DGKB: variants seen among roughly 807,000 people sequenced by gnomAD.
DGKB encodes diacylglycerol kinase beta, also known as 90 kDa diacylglycerol kinase.
In DGKB, 67 loss-of-function variants were observed where a neutral mutation model predicts 114.3. That is an observed-to-expected ratio of 0.59 (90% CI 0.48 to 0.72). DGKB has a LOEUF of 0.72. Ranked by LOEUF, DGKB falls within the 30% of genes least tolerant of loss-of-function variation. The pLI is 0.00. For missense variants in DGKB, 907 were observed against 975.2 expected (o/e 0.93, Z 0.93); for synonymous variants, 398 against 323.1 (o/e 1.23, Z -2.49).
intron 21 of DGKB, among the ~76,000 whole-genome samples, chr7:14,452,652 T>C (rs1831696093): frequency 6.6e-6 from 1 of 151,998 alleles, no homozygotes; most frequent in South Asian, 2.1e-4. Context: ...CAAGTGAAAC[T>C]GACTGAATTT....
At chr7:14,409,713 CAAAAAAA>C (rs1164493208) in intron 21 of DGKB, among the ~76,000 whole-genome samples, 1 of 88,274 alleles carries the variant, frequency 1.1e-5, no homozygotes, top group African/African-American at 5.5e-5. Context: ...GACTCCGTCT[CAAAAAAA>C]AAAAAAAAAA....
At chr7:14,412,307 T>C (rs1158143292) in intron 21 of DGKB, among the ~76,000 whole-genome samples, 2 of 152,136 alleles carry the variant, frequency 1.3e-5, no homozygotes, top group Non-Finnish European at 2.9e-5. Context: ...GTTAGAATAA[T>C]CTCTAAAATA....
intron 20 of DGKB, among the ~76,000 whole-genome samples, chr7:14,493,587 C>T (rs1255108536): frequency 1.3e-5 from 2 of 151,934 alleles, no homozygotes; most frequent in African/African-American, 4.8e-5. Flanking sequence ...TAGCATTAGG[C>T]TACGAGTGAC....
At chr7:14,507,267 C>A (rs960980524) in intron 20 of DGKB, among the ~76,000 whole-genome samples, 2 of 152,032 alleles carry the variant, frequency 1.3e-5, no homozygotes, top group African/African-American at 2.4e-5. Context: ...TATGGCAATT[C>A]AGAATCTAGT....
intron 5 of DGKB, among the ~76,000 whole-genome samples, chr7:14,730,714 G>C (rs1161526325): frequency 6.6e-6 from 1 of 152,100 alleles, no homozygotes. Flanking sequence ...TCTCATAAAG[G>C]TTACTTCAGG....
At chr7:14,458,085 G>T (rs779554623) in intron 21 of DGKB, among the ~76,000 whole-genome samples, 1 of 152,018 alleles carries the variant, frequency 6.6e-6, no homozygotes, top group Non-Finnish European at 1.5e-5. Flanking sequence ...TAAAAAAAAC[G>T]ATGCTCTAAA....
In DGKB at chr7:14,481,061, G is replaced by A. The variant is rs531003912; in HGVS notation, c.1771-2836C>T. Reference sequence around the variant, plus strand: ...ATGAAAATAAGTCAATCTTATTAAAGCAAAACAAATTTAAACCTCATTGTG... The same window carrying A: ...ATGAAAATAAGTCAATCTTATTAAAACAAAACAAATTTAAACCTCATTGTG... On this transcript the variant is annotated intron_variant, in intron 20 of 25. Coordinates refer to ENST00000402815, the MANE Select transcript of DGKB (RefSeq NM_001350709.2). Among the ~76,000 whole-genome samples, 249 of 151,370 alleles carry A rather than the reference G, an allele frequency of 1.6e-3. 1 individual carries two copies. The highest frequency in any genetic ancestry group is 5.7e-3 in the African/African-American group (236 of 41,332).
intron 23 of DGKB, among the ~76,000 whole-genome samples, chr7:14,284,839 C>T (rs1800585947): frequency 7.7e-6 from 1 of 129,390 alleles, no homozygotes; most frequent in Admixed American, 9.8e-5. Context: ...GGAAGGGGAA[C>T]ATCACACTCT....
Position 14,388,124 on chromosome 7 carries a change from G to C in DGKB, c.1836-42733C>G, listed in dbSNP as rs34148828. Among the ~76,000 whole-genome samples the C allele has an allele frequency of 3.3e-5, 5 of 150,256 alleles. No homozygotes were observed. In the East Asian group the frequency reaches 9.7e-4, roughly 29 times the overall value. On this transcript the variant is annotated intron_variant, in intron 21 of 25. Transcript: ENST00000402815. ...GAACTCCTGACCTTGTGATCCACTC[G>C]CCTTGGCCTCCCAAAGTGCTAGGAT... is the stretch of plus-strand genomic sequence containing the variant.
At chr7:14,544,199 A>T (rs1006696098) in intron 20 of DGKB, among the ~76,000 whole-genome samples, 1 of 152,176 alleles carries the variant, frequency 6.6e-6, no homozygotes, top group Non-Finnish European at 1.5e-5. Flanking sequence ...TGTTCTGTTT[A>T]TAAGATAAAG....
Position 14,318,419 on chromosome 7 carries a change from T to A in DGKB, c.2122+20096A>T, listed in dbSNP as rs542184306. On this transcript the variant is annotated intron_variant, in intron 23 of 25. Coordinates refer to ENST00000402815, the MANE Select transcript of DGKB (RefSeq NM_001350709.2). ...AAGGGCTAATATCCAGAATTTACAATGAACTCAAACAAATTTACAAGAAAA... is the reference window on the plus strand; with the variant it reads ...AAGGGCTAATATCCAGAATTTACAAAGAACTCAAACAAATTTACAAGAAAA... 5.3e-5 allele frequency among the ~76,000 whole-genome samples: 8 copies of A among 152,152 alleles called. No individual in the cohort carries two copies. The South Asian group carries it at 1.5e-3, about 28-fold the overall frequency.
At chr7:14,905,890 A>C (rs1210041307), upstream of DGKB, among the ~76,000 whole-genome samples, 1 of 152,166 alleles carries the variant, frequency 6.6e-6, no homozygotes, top group Non-Finnish European at 1.5e-5. Flanking sequence ...GCTGGAAATA[A>C]GGGTGTTTGA....
At chr7:14,451,928 T>C (rs1831584142) in intron 21 of DGKB, among the ~76,000 whole-genome samples, 1 of 152,116 alleles carries the variant, frequency 6.6e-6, no homozygotes, top group African/African-American at 2.4e-5. Flanking sequence ...GACTTATGAT[T>C]GTTTAATATT....
At chr7:14,437,242 A>G (rs1298938859) in intron 21 of DGKB, among the ~76,000 whole-genome samples, 1 of 151,846 alleles carries the variant, frequency 6.6e-6, no homozygotes, top group African/African-American at 2.4e-5. Context: ...AAGTGGTTCT[A>G]ATTAAAAATT....
chr7:14,709,205 A>C (rs1050573903), intron 6 of DGKB, among the ~76,000 whole-genome samples: 11 of 152,236 alleles, frequency 7.2e-5, no homozygotes, highest in African/African-American at 2.7e-4. Flanking sequence ...GCCAACAGGC[A>C]CATGAAAAAA....
chr7:14,277,406 C>G (rs1799187770), intron 23 of DGKB, among the ~76,000 whole-genome samples: 1 of 152,184 alleles, frequency 6.6e-6, no homozygotes, highest in African/African-American at 2.4e-5. Flanking sequence ...CGCCTGGCCA[C>G]AAGCCATCCA....
intron 21 of DGKB, among the ~76,000 whole-genome samples, chr7:14,429,670 C>G (rs1828126200): frequency 6.6e-6 from 1 of 152,074 alleles, no homozygotes; most frequent in Non-Finnish European, 1.5e-5. Context: ...TGCCTGTAAT[C>G]CCAGCACTTT....
intron 21 of DGKB, among the ~76,000 whole-genome samples, chr7:14,390,213 T>C (rs2128705423): frequency 6.6e-6 from 1 of 152,324 alleles, no homozygotes; most frequent in East Asian, 1.9e-4. Context: ...TGAATGTTTT[T>C]ATTTAAATAC....
chr7:14,758,928 G>GATAGATAGATAGATACATAGATAC (rs376591211), intron 2 of DGKB, among the ~76,000 whole-genome samples: 58 of 146,946 alleles, frequency 3.9e-4, no homozygotes, highest in Middle Eastern at 3.5e-3. Context: ...TAGATAGATA[G>GATAGATAGATAGATACATAGATAC]ATAGATACAT....
Sources: gnomAD v4.1 joint callset for allele counts (sites outside exome capture counted in the v4.1 genomes callset) on GRCh38, gnomAD v4.1.1 for gene constraint, MANE v1.5 for transcripts, NCBI Gene and HGNC (gene_info 2026-07-23, HGNC 2026-07-21) for gene names.